RBMX: variants seen among roughly 807,000 people sequenced by gnomAD.
The protein encoded by RBMX is RNA binding motif protein X-linked.
In RBMX, 1 loss-of-function variant was observed where a neutral mutation model predicts 29.3. The ratio of observed to expected loss-of-function variants is 0.03; its 90% CI spans 0.01 to 0.16. RBMX has a LOEUF of 0.16. RBMX is among the 10% of genes least tolerant of loss of function. The pLI, the probability that RBMX is intolerant of heterozygous loss-of-function variation, is 1.00. For synonymous variants in RBMX, 102 were observed against 102.3 expected (o/e 1.00, Z 0.02); for missense variants, 121 against 333.2 (o/e 0.36, Z 4.96).
At chrX:136,880,428 GGGCCCCCTCATTTGTTTTCCCTC>G (rs1569441697) in intron 1 of RBMX, among the ~76,000 whole-genome samples, 146 bp downstream of exon 1, 1 of 111,837 alleles carries the variant, frequency 8.9e-6, no homozygotes, top group Non-Finnish European at 1.9e-5. Flanking sequence ...ACAACCAAAC[GGGCCCCCTCATTTGTTTTCCCTC>G]GACCCCCTCA....
At chrX:136,874,599 CAG>C (rs1484215528) in intron 8 of RBMX, 147 bp from the exon 9 acceptor site, 1 of 687,366 alleles carries the variant, frequency 1.5e-6, no homozygotes, top group East Asian at 3.6e-5. Context: ...CTGGCCATAA[CAG>C]GGATTTGCTC....
At chrX:136,874,570 G>T in intron 8 of RBMX, 118 bp from the exon 9 acceptor site, 1 of 895,401 alleles carries the variant, frequency 1.1e-6, no homozygotes, top group Non-Finnish European at 1.5e-6. Context: ...TGGGTGGGAG[G>T]TTTTAAACTC....
chrX:136,877,874 C>G (rs752862472), intron 4 of RBMX, 41 bp downstream of exon 4: 1 of 1,112,247 alleles, frequency 9.0e-7, no homozygotes, highest in South Asian at 2.5e-5. Context: ...CTTGCAGTCC[C>G]TAACTTATAC....
chrX:136,875,128 G>T lies in RBMX; in HGVS notation c.823C>A (p.His275Asn). ...GYGRDRDYSD[H>N]PSGGSYRDSY... ...TCTCTGTAGGAACCTCCACTTGGAT[G>T]ATCTGAATAGTCACGATCACGACCA... Residue 275 changes from histidine to asparagine, a missense_variant, in exon 8 of 9, where the codon CAT becomes AAT. Around this residue, in one of 2 missense-constraint regions of RBMX, gnomAD observed 114 missense variants for 260.0 expected, o/e 0.44. Transcript: ENST00000320676. The T allele has an allele frequency of 8.3e-7, 1 of 1,211,854 alleles. No individual in the cohort carries two copies. The highest frequency in any genetic ancestry group is 1.1e-6 in the Non-Finnish European group (1 of 895,573).
chrX:136,872,373 G>C, downstream of RBMX: 2 of 1,141,906 alleles, frequency 1.8e-6, no homozygotes, highest in Non-Finnish European at 2.4e-6. Flanking sequence ...ATGAAAACTA[G>C]TTATCTCTCT....
chrX:136,873,376 A>C, downstream of RBMX: 1 of 636,767 alleles, frequency 1.6e-6, no homozygotes, highest in Non-Finnish European at 1.9e-6. Context: ...TCTCCTTTGC[A>C]ATCAAGCTGT....
At chrX:136,878,946 C>T in intron 3 of RBMX, 71 bp downstream of exon 3, 1 of 1,168,136 alleles carries the variant, frequency 8.6e-7, no homozygotes, top group South Asian at 1.9e-5. Context: ...TGTCCTAGAC[C>T]AGACTTGGAC....
chrX:136,872,356 T>C, downstream of RBMX: 12 of 1,158,753 alleles, frequency 1.0e-5, no homozygotes, highest in Non-Finnish European at 1.4e-5. Context: ...CTGCAAAAGT[T>C]AAATAAATGA....
At chrX:136,879,729 A>T in intron 1 of RBMX, among the ~76,000 whole-genome samples, 1 of 111,735 alleles carries the variant, frequency 8.9e-6, no homozygotes, top group Non-Finnish European at 1.9e-5. Flanking sequence ...CAGCTGCTTA[A>T]CATTTGAAAA....
downstream of RBMX, among the ~76,000 whole-genome samples, chrX:136,871,819 T>TG (rs1442275263): frequency 2.0e-5 from 2 of 102,041 alleles, no homozygotes; most frequent in Non-Finnish European, 4.0e-5. Context: ...GTGTTTTTTT[T>TG]TTTTTTTTTT....
chrX:136,876,874 A>G (rs748600868), intron 4 of RBMX, among the ~76,000 whole-genome samples: 1 of 103,926 alleles, frequency 9.6e-6, no homozygotes, highest in African/African-American at 3.5e-5. Context: ...CACCCAGCTA[A>G]TTTTTGGTGG....
At chrX:136,869,944 T>C (rs1313348075), downstream of RBMX, 1 of 112,388 alleles carries the variant, frequency 8.9e-6, no homozygotes, top group Non-Finnish European at 1.9e-5. Flanking sequence ...GCATGGTTAC[T>C]TTCCAGATGT....
intron 4 of RBMX, among the ~76,000 whole-genome samples, chrX:136,877,608 G>A (rs936636907): frequency 1.8e-5 from 2 of 108,721 alleles, no homozygotes; most frequent in African/African-American, 3.4e-5. Flanking sequence ...CTGCCACCAC[G>A]CCCAGCTAAC....
In RBMX at chrX:136,878,005, G is replaced by A; in HGVS notation, c.298C>T (p.Pro100Ser). The A allele has an allele frequency of 1.7e-6, 2 of 1,210,416 alleles. No individual in the cohort carries two copies. Residue 100 changes from proline (P) to serine (S), a missense_variant, in exon 4 of 9, where the codon CCA (proline) becomes TCA (serine). Around this residue, in one of 2 missense-constraint regions of RBMX, gnomAD observed 114 missense variants for 260.0 expected, o/e 0.44. Coordinates refer to ENST00000320676, the MANE Select transcript of RBMX (RefSeq NM_002139.4). The part of the protein sequence containing the change: ...ESGRRGPPPP[P>S]RSRGPPRGLR... ...CCTCTTGGAGGGCCTCTACTTCTTG[G>A]AGGTGGAGGCGGTCCACGTCTACCA...
At chrX:136,880,392 G>T (rs1358260831) in intron 1 of RBMX, among the ~76,000 whole-genome samples, 3 of 112,437 alleles carry the variant, frequency 2.7e-5, no homozygotes, top group African/African-American at 9.7e-5. Flanking sequence ...TCCCGCAGAT[G>T]GCAGCCAAAC....
intron 5 of RBMX, 78 bp downstream of exon 5, chrX:136,876,425 T>G: frequency 9.4e-7 from 1 of 1,058,296 alleles, no homozygotes. Context: ...CCTGGCCAAT[T>G]AAAATTTTAA....
downstream of RBMX, chrX:136,869,342 G>A (rs191620011): frequency 6.2e-5 from 7 of 112,355 alleles, no homozygotes; most frequent in East Asian, 1.9e-3. Flanking sequence ...AAACCCAGAA[G>A]AATCAAGATC....
downstream of RBMX, among the ~76,000 whole-genome samples, chrX:136,870,693 C>T (rs1385924708): frequency 9.9e-6 from 1 of 101,007 alleles, no homozygotes; most frequent in Non-Finnish European, 2.0e-5. Flanking sequence ...TAGCCGGGCA[C>T]GGTGGTGCAC....
rs759297144 is a variant in RBMX at position 136,876,315 on chromosome X, G to A, written c.541+188C>T. ...TTTTTGTATTTTTTAGTAGAGACGG[G>A]GTTTCACCACATTGGCCAGGATGGT... On this transcript the variant is annotated intron_variant, in intron 5 of 8. Coordinates refer to ENST00000320676, the MANE Select transcript of RBMX (RefSeq NM_002139.4). Among the ~76,000 whole-genome samples, 3 of 108,841 alleles carry A rather than the reference G, an allele frequency of 2.8e-5. No individual in the cohort carries two copies. In the East Asian group the frequency reaches 8.7e-4, roughly 31 times the overall value. 94.5% of individuals were successfully genotyped at this position (108,841 alleles called of 115,157 possible).
Sources: gnomAD v4.1 joint callset for allele counts (sites outside exome capture counted in the v4.1 genomes callset) on GRCh38, gnomAD v4.1.1 for gene constraint, gnomAD v4.1.1 regional missense constraint, MANE v1.5 for transcripts, NCBI Gene and HGNC (gene_info 2026-07-23, HGNC 2026-07-21) for gene names.